Variants in CDH18 observed in about 807,000 individuals in gnomAD.
CDH18 encodes cadherin-18.
In CDH18, 31 loss-of-function variants were observed where a neutral mutation model predicts 67.9. That is an observed-to-expected ratio of 0.46 (90% CI 0.34 to 0.62). The LOEUF (loss-of-function observed/expected upper bound fraction) is 0.62, where lower values mean the gene tolerates loss of function less well. Ranked by LOEUF, CDH18 falls within the 20% of genes least tolerant of loss-of-function variation. The probability of loss-of-function intolerance (pLI) is 0.01; values close to 1 mark genes in which losing one functional copy is unlikely to be tolerated. For missense variants in CDH18, 890 were observed against 975.5 expected (o/e 0.91, Z 1.17); for synonymous variants, 362 against 347.2 (o/e 1.04, Z -0.48).
At chr5:20,226,126 A>G (rs998742181) in intron 2 of CDH18, among the ~76,000 whole-genome samples, 3 of 152,112 alleles carry the variant, frequency 2.0e-5, no homozygotes, top group African/African-American at 7.2e-5. Flanking sequence ...TAAAAAGTAA[A>G]GTAAAAGCAA....
At chr5:20,384,426 T>C (rs542678234) in intron 1 of CDH18, among the ~76,000 whole-genome samples, 2 of 152,216 alleles carry the variant, frequency 1.3e-5, no homozygotes, top group Non-Finnish European at 2.9e-5. Flanking sequence ...TTTTCTTTTT[T>C]ATAAGGCTAA....
chr5:20,321,077 G>A (rs536354475), intron 1 of CDH18, among the ~76,000 whole-genome samples: 19 of 151,730 alleles, frequency 1.3e-4, no homozygotes, highest in South Asian at 6.2e-4. Flanking sequence ...CTCTTTTTCC[G>A]CTGGAAATAC....
chr5:20,118,829 G>C (rs898589622), intron 2 of CDH18, among the ~76,000 whole-genome samples: 1 of 152,000 alleles, frequency 6.6e-6, no homozygotes, highest in Non-Finnish European at 1.5e-5. Flanking sequence ...TTTTTCCATT[G>C]TGTTCCTTGA....
At chr5:19,535,110 G>C (rs1749208752) in intron 9 of CDH18, among the ~76,000 whole-genome samples, 2 of 152,104 alleles carry the variant, frequency 1.3e-5, no homozygotes, top group South Asian at 4.1e-4. Flanking sequence ...CACGTAAGCT[G>C]TTCCCTTATT....
intron 12 of CDH18, among the ~76,000 whole-genome samples, chr5:19,479,710 GGTGGC>G (rs1554022054): frequency 6.6e-6 from 1 of 152,032 alleles, no homozygotes; most frequent in Non-Finnish European, 1.5e-5. Flanking sequence ...CCTCACTTAC[GGTGGC>G]CTCACCTAGG....
intron 1 of CDH18, among the ~76,000 whole-genome samples, chr5:20,264,578 G>T (rs574889369): frequency 8.6e-5 from 13 of 151,984 alleles, no homozygotes; most frequent in African/African-American, 3.1e-4. Context: ...TTGGAAATAT[G>T]GCTGTTGTAG....
At chr5:20,470,096 G>A (rs183671297) in intron 1 of CDH18, among the ~76,000 whole-genome samples, 236 of 152,080 alleles carry the variant, frequency 1.6e-3, no homozygotes, top group South Asian at 6.9e-3. Flanking sequence ...TCACTGTCTC[G>A]GGCAGCCCTA....
At position 19,697,938 on chromosome 5, in the gene CDH18, G is replaced by A. The variant is rs139977454; in HGVS notation, c.643+23409C>T. Among the ~76,000 whole-genome samples the A allele has an allele frequency of 1.3e-3, 198 of 152,186 alleles. 1 individual carries two copies. Among genetic ancestry groups the A allele is most frequent in the African/African-American group, 4.6e-3 (189 of 41,522 alleles). On this transcript the variant is annotated intron_variant, in intron 5 of 12. Transcript: ENST00000382275. ...GGCAGTTTATAGTCTTGCCTGCTCCGGGTCTCTTATTCAGGTATACTTTAC... is the reference window on the plus strand; with the variant it reads ...GGCAGTTTATAGTCTTGCCTGCTCCAGGTCTCTTATTCAGGTATACTTTAC...
At chr5:20,209,895 G>C (rs1740219087) in intron 2 of CDH18, among the ~76,000 whole-genome samples, 1 of 151,352 alleles carries the variant, frequency 6.6e-6, no homozygotes, top group African/African-American at 2.4e-5. Context: ...ACCCTAATTT[G>C]ATATTTACAC....
At chr5:19,849,085 A>G (rs1218144922) in intron 2 of CDH18, among the ~76,000 whole-genome samples, 2 of 151,972 alleles carry the variant, frequency 1.3e-5, no homozygotes, top group Non-Finnish European at 2.9e-5. Context: ...AAATAAATCT[A>G]CTATTTACAA....
At chr5:19,578,751 GTTCT>G (rs1320786070) in intron 7 of CDH18, among the ~76,000 whole-genome samples, 1 of 151,282 alleles carries the variant, frequency 6.6e-6, no homozygotes, top group Admixed American at 6.6e-5. Flanking sequence ...TTCCATATAT[GTTCT>G]TTCTCATTAT....
rs115272606 is a variant in CDH18 at position 19,569,134 on chromosome 5, A to G, written c.1253+2445T>C. Among the ~76,000 whole-genome samples the G allele has an allele frequency of 7.2e-3, 1,095 of 152,238 alleles. 15 individuals carry two copies. The highest frequency in any genetic ancestry group is 0.025 in the African/African-American group (1,037 of 41,532). ...CAAAGTTCCTCTCATTTCTCTCCCTATTGGCATTGCTGCCAGGATTAATTT... is the reference window on the plus strand; with the variant it reads ...CAAAGTTCCTCTCATTTCTCTCCCTGTTGGCATTGCTGCCAGGATTAATTT... On this transcript the variant is annotated intron_variant, in intron 8 of 12. Coordinates refer to ENST00000382275, the MANE Select transcript of CDH18 (RefSeq NM_004934.5).
chr5:20,221,530 A>G (rs1741225343), intron 2 of CDH18, among the ~76,000 whole-genome samples: 1 of 152,112 alleles, frequency 6.6e-6, no homozygotes, highest in Non-Finnish European at 1.5e-5. Flanking sequence ...GGTAGATAGA[A>G]TGAATATGAT....
intron 1 of CDH18, among the ~76,000 whole-genome samples, chr5:20,429,485 A>T (rs1748572983): frequency 6.6e-6 from 1 of 152,180 alleles, no homozygotes; most frequent in South Asian, 2.1e-4. Context: ...CATATAAATG[A>T]TAAACTCCTA....
chr5:19,569,190 CATGATCTGT>C (rs1278095080), intron 8 of CDH18, among the ~76,000 whole-genome samples: 1 of 152,202 alleles, frequency 6.6e-6, no homozygotes, highest in African/African-American at 2.4e-5. Context: ...AAAGCCTCTT[CATGATCTGT>C]ATCTAATCTA....
At chr5:20,159,914 A>T (rs1445050739) in intron 2 of CDH18, among the ~76,000 whole-genome samples, 1 of 152,082 alleles carries the variant, frequency 6.6e-6, no homozygotes, top group Non-Finnish European at 1.5e-5. Context: ...TTTAAATCTG[A>T]CCTCTCACCA....
At chr5:20,234,901 C>T (rs1455346934) in intron 2 of CDH18, among the ~76,000 whole-genome samples, 1 of 151,964 alleles carries the variant, frequency 6.6e-6, no homozygotes, top group African/African-American at 2.4e-5. Flanking sequence ...ATCCCAGTCA[C>T]AAGAAACATG....
intron 5 of CDH18, among the ~76,000 whole-genome samples, chr5:19,667,752 A>C (rs1758169146): frequency 6.6e-6 from 1 of 151,802 alleles, no homozygotes; most frequent in Non-Finnish European, 1.5e-5. Context: ...TCATATCTTC[A>C]TAATGATGAA....
At chr5:20,311,949 A>G (rs908055428) in intron 1 of CDH18, among the ~76,000 whole-genome samples, 4 of 152,126 alleles carry the variant, frequency 2.6e-5, no homozygotes, top group African/African-American at 7.2e-5. Flanking sequence ...AAATACTTCT[A>G]TTTCCCTATT....
Sources: gnomAD v4.1 joint callset for allele counts (sites outside exome capture counted in the v4.1 genomes callset) on GRCh38, gnomAD v4.1.1 for gene constraint, MANE v1.5 for transcripts, NCBI Gene and HGNC (gene_info 2026-07-23, HGNC 2026-07-21) for gene names.